VPS41: variants seen among roughly 807,000 people sequenced by gnomAD.
The protein encoded by VPS41 is vacuolar protein sorting-associated protein 41 homolog.
A neutral mutation model predicts 130.9 loss-of-function variants in VPS41; 85 were observed. That is an observed-to-expected ratio of 0.65 (90% confidence interval 0.55 to 0.78). The LOEUF (loss-of-function observed/expected upper bound fraction) is 0.78. Among genes scored for constraint, VPS41 ranks in the 30% least tolerant of loss-of-function variants. The pLI is 0.00. For synonymous variants in VPS41, 335 were observed against 332.9 expected, an observed-to-expected ratio of 1.01 and a Z score of -0.07; for missense variants, 874 against 1,018.7, an observed-to-expected ratio of 0.86 and a Z score of 1.93.
rs746341779 is a variant in VPS41 at position 38,752,126 on chromosome 7, A to G, written c.1926+50T>C. The G allele has an allele frequency of 6.8e-6, 11 of 1,609,800 alleles. No homozygotes were observed. The Admixed American group carries it at 1.5e-4, about 22-fold the overall frequency. ...AAGAAAGACAAACAACTTACCATCA[A>G]TGACAACCTCTTCATCCAAAGTGTA... On this transcript the variant is annotated intron_variant, in intron 22 of 28. Transcript: ENST00000310301.
At chr7:38,804,922 A>C (rs1209878048) in intron 7 of VPS41, among the ~76,000 whole-genome samples, 1 of 152,240 alleles carries the variant, frequency 6.6e-6, no homozygotes, top group South Asian at 2.1e-4. Context: ...GTTCATACCA[A>C]ACACGTTGAG....
At chr7:38,871,171 ATAAG>A in intron 2 of VPS41, among the ~76,000 whole-genome samples, 1 of 152,240 alleles carries the variant, frequency 6.6e-6, no homozygotes, top group Admixed American at 6.5e-5. Flanking sequence ...AAGCTCTGCA[ATAAG>A]CAGGATAAAT....
intron 7 of VPS41, among the ~76,000 whole-genome samples, chr7:38,813,182 C>T (rs10951576): frequency 0.6 from 90,717 of 151,944 alleles, 27,781 homozygotes; most frequent in East Asian, 0.89. Context: ...GAAATATCAT[C>T]TGGACATAAA....
chr7:38,784,420 T>C (rs1307120420), intron 10 of VPS41, among the ~76,000 whole-genome samples: 1 of 152,176 alleles, frequency 6.6e-6, no homozygotes, highest in African/African-American at 2.4e-5. Context: ...GGAGGATTTC[T>C]TGAGCCCAGT....
rs1786708640 is a variant in VPS41, at chr7:38,885,620, G to T, written c.60+12471C>A. ...GATAGGACTGTGGTCCATATTAAAT[G>T]AGATAATCCACATAAAGGACTCAGC... On this transcript the variant is annotated intron_variant, in intron 2 of 28. Transcript: ENST00000310301. Among the ~76,000 whole-genome samples, 4 of 152,174 alleles carry T rather than the reference G, an allele frequency of 2.6e-5. No individual in the cohort carries two copies. The South Asian group carries it at 8.3e-4, about 31-fold the overall frequency.
At chr7:38,761,219 C>T in intron 17 of VPS41, among the ~76,000 whole-genome samples, 1 of 143,026 alleles carries the variant, frequency 7.0e-6, no homozygotes. Flanking sequence ...TTTTCTTTCT[C>T]TCTCTCTCCC....
chr7:38,815,262 A>C (rs1785022168), intron 7 of VPS41, among the ~76,000 whole-genome samples: 1 of 151,994 alleles, frequency 6.6e-6, no homozygotes. Context: ...CATCTCTACT[A>C]ACAATACAAA....
rs771344304 is a variant in VPS41, at chr7:38,830,272, C to T, written c.303G>A (p.Val101=). ...SLDESGEHMG[V]CSEDGKVQVF... ...GCCATACCTTGCCATCCTCTGAACA[C>T]ACACCCATGTGCTCTCCACTTTCAT... The change falls in exon 5 of 29, where the codon GTG becomes GTA. Residue 101 remains valine, a synonymous_variant. Transcript: ENST00000310301. 8.7e-6 allele frequency: 14 copies of T among 1,613,012 alleles called. No homozygotes were observed. In the East Asian group the frequency reaches 2.0e-4, roughly 23 times the overall value.
At chr7:38,775,795 G>A (rs1784247835) in intron 11 of VPS41, 1 of 151,032 alleles carries the variant, frequency 6.6e-6, no homozygotes, top group South Asian at 2.1e-4. Context: ...GGCTCCCAGG[G>A]TTTTTCTCCC....
In VPS41 at chr7:38,726,186, G is replaced by T; in HGVS notation, c.*60C>A. The T allele has an allele frequency of 5.9e-6, 7 of 1,188,184 alleles. No homozygotes were observed. Among genetic ancestry groups the T allele is most frequent in the Non-Finnish European group, 8.8e-6 (7 of 794,316 alleles). The allele number at this position is 1,188,184 out of a possible 1,614,324, so 73.6% of individuals were successfully genotyped here. A position where few individuals can be genotyped will look rare whatever the true frequency, so the allele number is the denominator to read the frequency against. On this transcript the variant is annotated 3_prime_UTR_variant, in exon 29 of 29. Transcript: ENST00000310301. ...AGCACGAGTGTCAACAAATGCTTTTGTTGTTGCAAAAACAGTCTCAAAAAG... is the reference window on the plus strand; with the variant it reads ...AGCACGAGTGTCAACAAATGCTTTTTTTGTTGCAAAAACAGTCTCAAAAAG...
intron 2 of VPS41, among the ~76,000 whole-genome samples, chr7:38,890,047 A>T (rs765649954): frequency 2.0e-5 from 3 of 152,222 alleles, no homozygotes; most frequent in Non-Finnish European, 4.4e-5. Flanking sequence ...AGCAACCACT[A>T]GGAAATTATA....
chr7:38,749,081 G>A (rs898235579), intron 22 of VPS41, among the ~76,000 whole-genome samples: 1 of 152,074 alleles, frequency 6.6e-6, no homozygotes, highest in Admixed American at 6.5e-5. Flanking sequence ...ATTTCCTTTA[G>A]AACAAACAAT....
intron 24 of VPS41, among the ~76,000 whole-genome samples, chr7:38,742,845 G>A (rs1795908686): frequency 6.6e-6 from 1 of 151,736 alleles, no homozygotes; most frequent in Non-Finnish European, 1.5e-5. Context: ...TTAGGTGACT[G>A]CTTTTGTTTT....
At position 38,728,237 on chromosome 7, in the gene VPS41, C is replaced by T. The variant is rs1795586833; in HGVS notation, c.2404+305G>A. The T allele has an allele frequency of 1.8e-5, 10 of 554,380 alleles. No individual in the cohort carries two copies. In the South Asian group the frequency reaches 1.9e-4, roughly 10 times the overall value. 34.3% of individuals were successfully genotyped at this position (554,380 alleles called of 1,614,324 possible). The stretch of plus-strand genomic sequence containing the variant: ...TACCTGGGAACTTGTTAGAAATATA[C>T]ATTCTCAGTTCCTGCCCTGGAAGTT... On this transcript the variant is annotated intron_variant, in intron 27 of 28. Transcript: ENST00000310301.
At chr7:38,898,494 C>A (rs1787064137) in intron 1 of VPS41, among the ~76,000 whole-genome samples, 1 of 152,172 alleles carries the variant, frequency 6.6e-6, no homozygotes, top group South Asian at 2.1e-4. Context: ...TATCTACAAG[C>A]CAATTTTTAT....
At chr7:38,874,705 T>C (rs1786450207) in intron 2 of VPS41, among the ~76,000 whole-genome samples, 1 of 152,150 alleles carries the variant, frequency 6.6e-6, no homozygotes, top group African/African-American at 2.4e-5. Context: ...TTCATGCAGT[T>C]TGAACTTCCA....
At chr7:38,908,368 T>G (rs1787316033) in intron 1 of VPS41, among the ~76,000 whole-genome samples, 1 of 152,242 alleles carries the variant, frequency 6.6e-6, no homozygotes, top group Non-Finnish European at 1.5e-5. Context: ...TTACCACTAC[T>G]GCTATATGAA....
chr7:38,746,158 C>G (rs1419384840), intron 22 of VPS41, among the ~76,000 whole-genome samples: 1 of 151,432 alleles, frequency 6.6e-6, no homozygotes, highest in Non-Finnish European at 1.5e-5. Flanking sequence ...GAACTCTGCT[C>G]AAGGATCTGT....
intron 2 of VPS41, among the ~76,000 whole-genome samples, chr7:38,895,828 G>T (rs946101984): frequency 2.0e-5 from 3 of 151,978 alleles, no homozygotes; most frequent in Non-Finnish European, 2.9e-5. Context: ...TTAAATTCTC[G>T]AAATCCACCA....
Sources: allele counts gnomAD v4.1 joint callset (sites outside exome capture counted in the v4.1 genomes callset), GRCh38; gene constraint gnomAD v4.1.1; transcripts MANE v1.5; gene names NCBI Gene and HGNC (gene_info 2026-07-23, HGNC 2026-07-21).